ANK2: variants seen among roughly 807,000 people sequenced by gnomAD.
ANK2 encodes ankyrin 2.
ANK2 carries 83 observed loss-of-function variants against 360.5 expected under a neutral mutation model. The ratio of observed to expected loss-of-function variants is 0.23; its 90% CI spans 0.19 to 0.28. ANK2 has a LOEUF of 0.28. Ranked by LOEUF, ANK2 falls within the 10% of genes least tolerant of loss-of-function variation. The pLI is 1.00. For synonymous variants in ANK2, 1,740 were observed against 1,759.5 expected (o/e 0.99, Z 0.28); for missense variants, 4,201 against 4,795.7 (o/e 0.88, Z 3.66).
At chr4:113,274,677 G>A (rs2153689498) in intron 15 of ANK2, 28 bp downstream of exon 15, 1 of 1,610,260 alleles carries the variant, frequency 6.2e-7, no homozygotes, top group Non-Finnish European at 8.5e-7. Flanking sequence ...ATGAGAACAT[G>A]GACCAAGAGG....
intron 2 of ANK2, among the ~76,000 whole-genome samples, chr4:113,009,504 AAT>A (rs2054017632): frequency 6.6e-6 from 1 of 152,198 alleles, no homozygotes; most frequent in African/African-American, 2.4e-5. Flanking sequence ...AGAGCCCTGA[AAT>A]ATGTCTGGAG....
intron 2 of ANK2, among the ~76,000 whole-genome samples, chr4:112,965,452 G>T (rs758585357): frequency 2.2e-4 from 34 of 152,086 alleles, no homozygotes; most frequent in Non-Finnish European, 5.9e-5. Flanking sequence ...CCGTCCTGTG[G>T]ATTGTCTCTT....
chr4:112,726,211 A>G, the ANK2 span, among the ~76,000 whole-genome samples: 2 of 152,200 alleles, frequency 1.3e-5, no homozygotes, highest in African/African-American at 4.8e-5. Flanking sequence ...CTCAAACATG[A>G]TAGGAGAGGA....
intron 1 of ANK2, among the ~76,000 whole-genome samples, chr4:112,832,583 C>G (rs2060048026): frequency 6.6e-6 from 1 of 152,144 alleles, no homozygotes. Flanking sequence ...TAGAGTAGTG[C>G]TGCAGAATTG....
At chr4:112,973,025 G>C (rs2040120136) in intron 2 of ANK2, among the ~76,000 whole-genome samples, 1 of 152,072 alleles carries the variant, frequency 6.6e-6, no homozygotes, top group Non-Finnish European at 1.5e-5. Context: ...GAGGGGTAAG[G>C]CTGGGAGGGG....
chr4:112,726,359 T>C, the ANK2 span, among the ~76,000 whole-genome samples: 1 of 152,134 alleles, frequency 6.6e-6, no homozygotes, highest in Non-Finnish European at 1.5e-5. Flanking sequence ...ATAGTGTCTG[T>C]TTGTTTGAAG....
At chr4:113,123,548 G>C (rs2095493600) in intron 1 of ANK2, among the ~76,000 whole-genome samples, 1 of 152,038 alleles carries the variant, frequency 6.6e-6, no homozygotes, top group Non-Finnish European at 1.5e-5. Flanking sequence ...TCAAATTCTG[G>C]ATTTCTGCAT....
chr4:113,008,453 T>C (rs1050517585), intron 2 of ANK2, among the ~76,000 whole-genome samples: 1 of 152,228 alleles, frequency 6.6e-6, no homozygotes, highest in African/African-American at 2.4e-5. Context: ...GAAGAATATT[T>C]GTGACCCCTG....
chr4:112,780,183 TC>T, the ANK2 span, among the ~76,000 whole-genome samples: 5 of 130,378 alleles, frequency 3.8e-5, no homozygotes, highest in African/African-American at 1.5e-4. Context: ...TGAGACTCTG[TC>T]TCAAAAAAAA....
At chr4:113,273,715 A>G (rs1333463705) in intron 14 of ANK2, among the ~76,000 whole-genome samples, 2 of 152,154 alleles carry the variant, frequency 1.3e-5, no homozygotes, top group Non-Finnish European at 2.9e-5. Context: ...ATTATTTCCA[A>G]CTACACTTCA....
At chr4:113,076,585 C>T (rs574228928) in intron 1 of ANK2, among the ~76,000 whole-genome samples, 7 of 152,102 alleles carry the variant, frequency 4.6e-5, no homozygotes, top group South Asian at 4.2e-4. Flanking sequence ...TACTTGAGCC[C>T]GGGAGTTCAA....
chr4:113,117,053 T>G, intron 1 of ANK2: 1 of 347,800 alleles, frequency 2.9e-6, no homozygotes, highest in Non-Finnish European at 5.7e-6. Flanking sequence ...AGGTGTGTGC[T>G]GCTGGAGGTC....
chr4:112,956,178 C>T (rs1055441487), intron 2 of ANK2, among the ~76,000 whole-genome samples: 2 of 152,310 alleles, frequency 1.3e-5, no homozygotes, highest in Middle Eastern at 3.4e-3. Context: ...TGTCTTCTAC[C>T]TACAAATTTA....
At chr4:112,829,787 G>A (rs912173273) in intron 1 of ANK2, among the ~76,000 whole-genome samples, 1 of 151,684 alleles carries the variant, frequency 6.6e-6, no homozygotes, top group African/African-American at 2.4e-5. Context: ...AACCCCGTCT[G>A]TACTAACAAT....
At chr4:113,175,541 G>T (rs183456456) in intron 2 of ANK2, among the ~76,000 whole-genome samples, 2 of 152,020 alleles carry the variant, frequency 1.3e-5, no homozygotes, top group Non-Finnish European at 2.9e-5. Flanking sequence ...ACATGAGCTC[G>T]GATCACCTTG....
chr4:113,352,079 A>G (rs1035130216), intron 37 of ANK2, among the ~76,000 whole-genome samples: 8 of 152,140 alleles, frequency 5.3e-5, no homozygotes, highest in African/African-American at 1.7e-4. Context: ...AATGTTTTAC[A>G]TATCTGTTCT....
Position 112,994,629 on chromosome 4 carries a change from CA to C in ANK2, c.21+90116del, listed in dbSNP as rs143280002. On this transcript the variant is annotated intron_variant, in intron 2 of 30. Coordinates refer to the ANK2 transcript ENST00000503271. ...AAAATTTCAACTTCTATTTTAGATT[CA>C]GGGGGTACATGTGCAATCTTGTTAC... Among the ~76,000 whole-genome samples, 1,486 of 152,234 alleles carry C rather than the reference CA, an allele frequency of 9.8e-3. 17 individuals are homozygous for C. The highest frequency in any genetic ancestry group is 0.017 in the Non-Finnish European group (1,141 of 67,998).
At chr4:112,757,087 C>T in the ANK2 span, among the ~76,000 whole-genome samples, 2 of 151,480 alleles carry the variant, frequency 1.3e-5, no homozygotes, top group Non-Finnish European at 2.9e-5. Flanking sequence ...TCATTTCTCT[C>T]AATGACAGCA....
At chr4:112,957,633 CGGGCGGGGGGCTG>C (rs2030323805) in intron 2 of ANK2, among the ~76,000 whole-genome samples, 1 of 136,350 alleles carries the variant, frequency 7.3e-6, no homozygotes, top group African/African-American at 2.6e-5. Context: ...GGCGGCTGGC[CGGGCGGGGGGCTG>C]ACCCCCCCAC....
Sources: allele counts gnomAD v4.1 joint callset (sites outside exome capture counted in the v4.1 genomes callset), GRCh38; gene constraint gnomAD v4.1.1; transcripts MANE v1.5; gene names NCBI Gene and HGNC (gene_info 2026-07-23, HGNC 2026-07-21).